Variants in NEO1 observed in about 807,000 individuals in gnomAD.
NEO1 encodes the protein neogenin 1, also known as neogenin.
NEO1 carries 63 observed loss-of-function variants against 159.7 expected under a neutral mutation model. The observed-to-expected ratio is 0.39, with a 90% CI of 0.32 to 0.49. The LOEUF (loss-of-function observed/expected upper bound fraction) is 0.49. NEO1 is among the 20% of genes least tolerant of loss of function. The pLI is 0.85. For missense variants in NEO1, 1,615 were observed against 1,831.0 expected, an observed-to-expected ratio of 0.88 and a Z score of 2.15; for synonymous variants, 633 against 662.0, an observed-to-expected ratio of 0.96 and a Z score of 0.67.
rs774406835 is a variant in NEO1 at position 73,278,109 on chromosome 15, G to T, written c.3194-22G>T. On this transcript the variant is annotated intron_variant, in intron 21 of 28. Coordinates refer to ENST00000261908, the MANE Select transcript of NEO1 (RefSeq NM_002499.4). ...ACGCCAAATGTGTGGGGTCATTATT[G>T]ACATGATTTCTTCTCCTTTAGCCTC... 5 of 1,604,462 alleles carry T rather than the reference G, an allele frequency of 3.1e-6. No homozygotes were observed. The African/African-American group carries it at 6.7e-5, about 21-fold the overall frequency.
At chr15:73,103,422 T>G (rs2070508216) in intron 1 of NEO1, among the ~76,000 whole-genome samples, 1 of 152,226 alleles carries the variant, frequency 6.6e-6, no homozygotes, top group African/African-American at 2.4e-5. Context: ...TTGTACCTAC[T>G]GTTCCTTTGA....
At position 73,052,760 on chromosome 15, in the gene NEO1, CCGGGCGCCG is replaced by C; in HGVS notation, c.89_97del (p.Gly30_Ala32del). 1.6e-6 allele frequency: 2 copies of C among 1,267,836 alleles called. No individual in the cohort carries two copies. The highest frequency in any genetic ancestry group is 2.0e-6 in the Non-Finnish European group (2 of 1,000,750). 78.5% of individuals were successfully genotyped at this position (1,267,836 alleles called of 1,614,324 possible). A position where few individuals can be genotyped will look rare whatever the true frequency, so the allele number is the denominator to read the frequency against. ...CCTGCTGCTGCTCGGGCGCCGGGCG[CCGGGCGCCG>C]CGGCCGCCAGGAGCGGCTCCGCGCC... On this transcript the variant is annotated inframe_deletion, in exon 1 of 29. Transcript: ENST00000261908.
intron 7 of NEO1, among the ~76,000 whole-genome samples, chr15:73,200,090 G>A (rs756770491): frequency 2.6e-5 from 4 of 152,108 alleles, no homozygotes; most frequent in East Asian, 1.9e-4. Context: ...CTGTTTTCTC[G>A]AAAAGATTGT....
chr15:73,212,504 G>A (rs748686658), intron 7 of NEO1, among the ~76,000 whole-genome samples: 1 of 152,200 alleles, frequency 6.6e-6, no homozygotes, highest in African/African-American at 2.4e-5. Context: ...TTGTTTGGGT[G>A]TATTTATGAA....
At chr15:73,255,900 T>C (rs1418973293) in intron 13 of NEO1, 1 of 152,196 alleles carries the variant, frequency 6.6e-6, no homozygotes, top group African/African-American at 2.4e-5. Flanking sequence ...GTGTGAGTTA[T>C]CTGTAGCTGT....
intron 5 of NEO1, among the ~76,000 whole-genome samples, chr15:73,168,612 A>G (rs2034746113): frequency 6.6e-6 from 1 of 152,178 alleles, no homozygotes; most frequent in Admixed American, 6.5e-5. Context: ...GGAGAGAAAT[A>G]TAATTTCATA....
intron 5 of NEO1, among the ~76,000 whole-genome samples, chr15:73,153,858 C>T (rs1383372245): frequency 6.6e-6 from 1 of 152,086 alleles, no homozygotes; most frequent in East Asian, 1.9e-4. Context: ...TTATATTTTC[C>T]TCTTTAAACC....
intron 7 of NEO1, among the ~76,000 whole-genome samples, chr15:73,220,062 C>T (rs962186917): frequency 5.3e-5 from 8 of 152,002 alleles, no homozygotes; most frequent in East Asian, 1.9e-4. Context: ...CAGCTGGTAC[C>T]GGTTGTTCCT....
At chr15:73,279,681 A>G (rs564481079) in intron 22 of NEO1, among the ~76,000 whole-genome samples, 1 of 152,248 alleles carries the variant, frequency 6.6e-6, no homozygotes, top group East Asian at 1.9e-4. Context: ...TGCAGGCTCT[A>G]TGTGACAAGC....
intron 7 of NEO1, among the ~76,000 whole-genome samples, chr15:73,188,276 T>C (rs995747639): frequency 6.6e-6 from 1 of 152,156 alleles, no homozygotes; most frequent in African/African-American, 2.4e-5. Flanking sequence ...GAGAAAAATA[T>C]CACTGCCCAA....
intron 7 of NEO1, among the ~76,000 whole-genome samples, chr15:73,215,443 A>G (rs1316449196): frequency 6.6e-6 from 1 of 152,152 alleles, no homozygotes; most frequent in Non-Finnish European, 1.5e-5. Flanking sequence ...ATTACATTGA[A>G]GTATGTCCCT....
At chr15:73,149,778 A>G (rs1288775898) in intron 5 of NEO1, among the ~76,000 whole-genome samples, 2 of 152,218 alleles carry the variant, frequency 1.3e-5, no homozygotes, top group African/African-American at 2.4e-5. Flanking sequence ...TGATATTTTG[A>G]TACATGCATT....
At chr15:73,052,255 G>GGCGAGGCGCGCGCGTGCGC (rs2067470413), upstream of NEO1, among the ~76,000 whole-genome samples, 1 of 146,338 alleles carries the variant, frequency 6.8e-6, no homozygotes, top group Non-Finnish European at 1.5e-5. Context: ...AGGGGGTGCG[G>GGCGAGGCGCGCGCGTGCGC]GCGAGGCGCG....
chr15:73,129,939 A>G (rs2030862820), intron 4 of NEO1, among the ~76,000 whole-genome samples: 1 of 152,198 alleles, frequency 6.6e-6, no homozygotes, highest in Non-Finnish European at 1.5e-5. Flanking sequence ...TAGAGAGAGA[A>G]AGACTGAGAT....
intron 5 of NEO1, among the ~76,000 whole-genome samples, chr15:73,165,006 G>A (rs2034472172): frequency 6.6e-6 from 1 of 152,058 alleles, no homozygotes; most frequent in Non-Finnish European, 1.5e-5. Flanking sequence ...ATAACTCACA[G>A]CAGCTTCGAA....
At chr15:73,276,141 C>T (rs2041412190) in intron 21 of NEO1, among the ~76,000 whole-genome samples, 1 of 152,150 alleles carries the variant, frequency 6.6e-6, no homozygotes, top group African/African-American at 2.4e-5. Flanking sequence ...GATTCCATAG[C>T]CAGAGTGCAA....
intron 1 of NEO1, among the ~76,000 whole-genome samples, chr15:73,085,911 T>C (rs1220648891): frequency 6.6e-6 from 1 of 152,216 alleles, no homozygotes; most frequent in Non-Finnish European, 1.5e-5. Flanking sequence ...TTTTATACTT[T>C]CAATGTCTTT....
At position 73,122,799 on chromosome 15, in the gene NEO1, A is replaced by G; in HGVS notation, c.723A>G (p.Pro241=). 6.2e-7 allele frequency: 1 copy of G among 1,613,998 alleles called. No individual in the cohort carries two copies. The highest frequency in any genetic ancestry group is 8.5e-7 in the Non-Finnish European group (1 of 1,179,830). ...ATGAAGTTGAATTGAAGGTTCTTCCAGGTATTAACTCATTATCAGGACTGA... is the reference window on the plus strand; with the variant it reads ...ATGAAGTTGAATTGAAGGTTCTTCCGGGTATTAACTCATTATCAGGACTGA... ...YSDEVELKVL[P]DPEVISDLVF... Residue 241 remains proline, a splice_region_variant and synonymous_variant, in exon 3 of 29, where the codon CCA becomes CCG. Coordinates refer to ENST00000261908, the MANE Select transcript of NEO1 (RefSeq NM_002499.4).
At chr15:73,248,652 T>TA (rs1471805039) in intron 9 of NEO1, among the ~76,000 whole-genome samples, 2 of 152,208 alleles carry the variant, frequency 1.3e-5, no homozygotes, top group Admixed American at 6.5e-5. Context: ...TGTTAGCACT[T>TA]ACGACATTTT....
Sources: allele counts gnomAD v4.1 joint callset (sites outside exome capture counted in the v4.1 genomes callset), GRCh38; gene constraint gnomAD v4.1.1; transcripts MANE v1.5; gene names NCBI Gene and HGNC (gene_info 2026-07-23, HGNC 2026-07-21).